The following DUOXA1 variants were observed in gnomAD, a reference collection of about 807,000 sequenced individuals.
DUOXA1 encodes dual oxidase maturation factor 1.
In DUOXA1, 19 loss-of-function variants were observed where a neutral mutation model predicts 26.6. That is an observed-to-expected ratio of 0.71 (90% CI 0.50 to 1.05). The LOEUF is 1.05. Among genes scored for constraint, DUOXA1 ranks in the 50% least tolerant of loss-of-function variants. The pLI is 0.00. For synonymous variants in DUOXA1, 166 were observed against 177.0 expected, an observed-to-expected ratio of 0.94 and a Z score of 0.49; for missense variants, 403 against 427.5, an observed-to-expected ratio of 0.94 and a Z score of 0.51.
intron 8 of DUOXA1, 93 bp downstream of exon 8, chr15:45,120,010 G>T: frequency 6.9e-7 from 1 of 1,453,226 alleles, no homozygotes; most frequent in Non-Finnish European, 9.6e-7. Context: ...TGGCCTCCAG[G>T]AACAGACCCT....
Position 45,123,027 on chromosome 15 carries a change from GTGCAGGGGGGGCAA to G in DUOXA1, c.-27_-14del, listed in dbSNP as rs761780672. 3 of 1,604,536 alleles carry G rather than the reference GTGCAGGGGGGGCAA, an allele frequency of 1.9e-6. No individual in the cohort carries two copies. In the South Asian group the frequency reaches 3.4e-5, roughly 18 times the overall value. ...CCAAAGTAGCCATCTTGGTGAGGTGGTGCAGGGGGGGCAATGCTGTACAACAACAATAGACATTT... is the reference window on the plus strand; with the variant it reads ...CCAAAGTAGCCATCTTGGTGAGGTGGTGCTGTACAACAACAATAGACATTT... On this transcript the variant is annotated splice_region_variant and 5_prime_UTR_variant, in exon 4 of 9. Coordinates refer to ENST00000560572, the MANE Select transcript of DUOXA1 (RefSeq NM_001276266.2).
intron 3 of DUOXA1, among the ~76,000 whole-genome samples, chr15:45,125,611 A>C (rs1447617457): frequency 6.6e-6 from 1 of 152,024 alleles, no homozygotes; most frequent in South Asian, 2.1e-4. Flanking sequence ...TTCACTTTTC[A>C]TGCTTCTTGA....
rs1894829727 is a variant in DUOXA1, at chr15:45,118,359, G to A, written c.*747C>T. On this transcript the variant is annotated 3_prime_UTR_variant, in exon 9 of 9. Transcript: ENST00000560572. ...GCAGGTCACCCACTCCCCCGTCCTG[G>A]ATGCCACTCAGCTAGCCCAGCTGAG... 5 of 1,151,256 alleles carry A rather than the reference G, an allele frequency of 4.3e-6. No individual in the cohort carries two copies. The South Asian group carries it at 1.7e-4, about 38-fold the overall frequency. The allele number at this position is 1,151,256 out of a possible 1,614,324, so 71.3% of individuals were successfully genotyped here. A position where few individuals can be genotyped will look rare whatever the true frequency, so the allele number is the denominator to read the frequency against.
In DUOXA1 at chr15:45,118,011, C is replaced by A; in HGVS notation, c.*1095G>T. 3.7e-6 allele frequency: 6 copies of A among 1,604,554 alleles called. No homozygotes were observed. Among genetic ancestry groups the A allele is most frequent in the Non-Finnish European group, 3.4e-6 (4 of 1,173,214 alleles). ...GGAGAGCTCCAGGAAGGGCACTGAGCGCTGCTGGCGCGAGGCCTCGGACAT... is the reference window on the plus strand; with the variant it reads ...GGAGAGCTCCAGGAAGGGCACTGAGAGCTGCTGGCGCGAGGCCTCGGACAT... On this transcript the variant is annotated 3_prime_UTR_variant, in exon 9 of 9. Coordinates refer to ENST00000560572, the MANE Select transcript of DUOXA1 (RefSeq NM_001276266.2).
rs1734758460 is a variant in DUOXA1 at position 45,119,142 on chromosome 15, C to CT, written c.995dup (p.Glu333GlyfsTer8). 6.2e-7 allele frequency: 1 copy of CT among 1,604,818 alleles called. No individual in the cohort carries two copies. The highest frequency in any genetic ancestry group is 2.2e-5 in the East Asian group (1 of 44,576). ...AATCAGGATCTTTGGGGTGTGCCTC[C>CT]TTACAGTATGCCTTGGTGGAGGAAG... On this transcript the variant is annotated frameshift_variant, in exon 9 of 9. Coordinates refer to ENST00000560572, the MANE Select transcript of DUOXA1 (RefSeq NM_001276266.2). LOFTEE classifies it low-confidence loss of function (END_TRUNC).
chr15:45,120,566 C>T (rs1566990337), intron 7 of DUOXA1, 26 bp downstream of exon 7: 1 of 1,611,744 alleles, frequency 6.2e-7, no homozygotes, highest in Non-Finnish European at 8.5e-7. Flanking sequence ...ACCAGGGCCT[C>T]CACCCCGTCT....
rs1399262061 is a variant in DUOXA1, at chr15:45,129,545, G to C, written c.-232C>G. The C allele has an allele frequency of 6.5e-6, 1 of 152,800 alleles. No individual in the cohort carries two copies. The highest frequency in any genetic ancestry group is 1.5e-5 in the Non-Finnish European group (1 of 68,210). The allele number at this position is 152,800 out of a possible 1,614,324, so 9.5% of individuals were successfully genotyped here. On this transcript the variant is annotated 5_prime_UTR_variant, in exon 2 of 9. Coordinates refer to ENST00000560572, the MANE Select transcript of DUOXA1 (RefSeq NM_001276266.2). This position sits in a 1 kb window ranked among gnomAD's most constrained non-coding sequence, Gnocchi z 4.1. ...CCAAGACCTCACGAGGATCCCCGGAGGGAGACGTGACTCCGGGGTCTTAGA... is the reference window on the plus strand; with the variant it reads ...CCAAGACCTCACGAGGATCCCCGGACGGAGACGTGACTCCGGGGTCTTAGA...
Position 45,117,803 on chromosome 15 carries a change from C to G in DUOXA1, c.*1303G>C, listed in dbSNP as rs1566984744. ...CTTCGCACCCTTCTGGACCAAAGCG[C>G]CAAGGACTGCAGCCAGGAGAGAGGG... is the stretch of plus-strand genomic sequence containing the variant. On this transcript the variant is annotated 3_prime_UTR_variant, in exon 9 of 9. Coordinates refer to ENST00000560572, the MANE Select transcript of DUOXA1 (RefSeq NM_001276266.2). 5.6e-6 allele frequency: 9 copies of G among 1,613,834 alleles called. No individual in the cohort carries two copies. Among genetic ancestry groups the G allele is most frequent in the African/African-American group, 1.3e-5 (1 of 74,950 alleles).
chr15:45,119,415 C>T (rs550254719), intron 8 of DUOXA1, 50 bp from the exon 9 acceptor site: 16 of 1,537,880 alleles, frequency 1.0e-5, no homozygotes, highest in African/African-American at 4.1e-5. Context: ...TAACACCTGC[C>T]GAGGATATCT....
chr15:45,119,141 C>G lies in DUOXA1; in HGVS notation c.997G>C (p.Glu333Gln), dbSNP rs745874216. 1 of 1,604,820 alleles carries G rather than the reference C, an allele frequency of 6.2e-7. No homozygotes were observed. The highest frequency in any genetic ancestry group is 1.7e-5 in the Admixed American group (1 of 59,834). The change falls in exon 9 of 9, where the codon GAG becomes CAG. Residue 333 changes from glutamate (E) to glutamine (Q), a missense_variant. Glu to Gln is a conservative substitution (Grantham distance 29, BLOSUM62 2). Transcript: ENST00000560572. ...EASSTKAYCK[E>Q]AHPKDPDCAL is the part of the protein sequence containing the mutation. ...CAATCAGGATCTTTGGGGTGTGCCTCCTTACAGTATGCCTTGGTGGAGGAA... is the reference window on the plus strand; with the variant it reads ...CAATCAGGATCTTTGGGGTGTGCCTGCTTACAGTATGCCTTGGTGGAGGAA...
At position 45,128,308 on chromosome 15, in the gene DUOXA1, T is replaced by G. The variant is rs559285329; in HGVS notation, c.-30+710A>C. ...GGCCTCTCTTGTAGCCTGACAGGAC[T>G]TTTTTCCTGAAGTCTTCCCCCTTGC... On this transcript the variant is annotated intron_variant, in intron 3 of 8. Transcript: ENST00000560572. 2.6e-5 allele frequency among the ~76,000 whole-genome samples: 4 copies of G among 152,334 alleles called. No homozygotes were observed. The South Asian group carries it at 8.3e-4, about 32-fold the overall frequency.
chr15:45,120,497 T>C, intron 7 of DUOXA1, 95 bp downstream of exon 7: 2 of 1,488,482 alleles, frequency 1.3e-6, no homozygotes, highest in Non-Finnish European at 1.9e-6. Context: ...CCACCCCACC[T>C]GAGATACCCA....
Position 45,118,022 on chromosome 15 carries a change from C to T in DUOXA1, c.*1084G>A, listed in dbSNP as rs1419801447. 6 of 1,602,038 alleles carry T rather than the reference C, an allele frequency of 3.7e-6. No homozygotes were observed. The highest frequency in any genetic ancestry group is 5.1e-6 in the Non-Finnish European group (6 of 1,171,508). On this transcript the variant is annotated 3_prime_UTR_variant, in exon 9 of 9. Transcript: ENST00000560572. Reference sequence around the variant, plus strand: ...GGAAGGGCACTGAGCGCTGCTGGCGCGAGGCCTCGGACATCCGCAGGCACC... The same window carrying T: ...GGAAGGGCACTGAGCGCTGCTGGCGTGAGGCCTCGGACATCCGCAGGCACC...
Position 45,120,786 on chromosome 15 carries a change from C to T in DUOXA1, c.360G>A (p.Leu120=), listed in dbSNP as rs758981039. Residue 120 remains leucine (L), a synonymous_variant, in exon 7 of 9, where the codon CTG becomes CTA. Transcript: ENST00000560572. ...CCTCGTTGTAATTGATGGTCTCATTCAGCTGCTGCACGGGGGTCCCTAGGG... is the reference window on the plus strand; with the variant it reads ...CCTCGTTGTAATTGATGGTCTCATTTAGCTGCTGCACGGGGGTCCCTAGGG... The part of the protein sequence containing the change: ...ITLTGTPVQQ[L]NETINYNEEF... 16 of 1,614,120 alleles carry T rather than the reference C, an allele frequency of 9.9e-6. 1 individual carries two copies. Among genetic ancestry groups the T allele is most frequent in the Non-Finnish European group, 1.1e-5 (13 of 1,180,010 alleles).
rs1894782370 is a variant in DUOXA1 at position 45,117,924 on chromosome 15, G to A, written c.*1182C>T. The A allele has an allele frequency of 4.3e-6, 7 of 1,613,122 alleles. No individual in the cohort carries two copies. Among genetic ancestry groups the A allele is most frequent in the Admixed American group, 1.7e-5 (1 of 60,008 alleles). ...CTAACCTGTGAGGGGGACCCAATCT[G>A]GACTCCTTCCCCGCCTTGGGACATC... On this transcript the variant is annotated 3_prime_UTR_variant, in exon 9 of 9. Coordinates refer to ENST00000560572, the MANE Select transcript of DUOXA1 (RefSeq NM_001276266.2).
rs955112701 is a variant in DUOXA1 at position 45,129,098 on chromosome 15, G to A, written c.-110C>T. The A allele has an allele frequency of 2.6e-5, 4 of 152,162 alleles. No individual in the cohort carries two copies. The highest frequency in any genetic ancestry group is 6.6e-5 in the Admixed American group (1 of 15,258). The allele number at this position is 152,162 out of a possible 1,614,324, so 9.4% of individuals were successfully genotyped here. On this transcript the variant is annotated 5_prime_UTR_variant, in exon 3 of 9. Coordinates refer to ENST00000560572, the MANE Select transcript of DUOXA1 (RefSeq NM_001276266.2). This position sits in a 1 kb window ranked among gnomAD's most constrained non-coding sequence, Gnocchi z 4.1. ...GTGGAACCTCACACGAAGCGCCCCC[G>A]GGGGTGTGATTAAAGAGGGAACCAG...
intron 3 of DUOXA1, among the ~76,000 whole-genome samples, chr15:45,124,499 G>T (rs1185123419): frequency 1.3e-5 from 2 of 151,910 alleles, no homozygotes; most frequent in Non-Finnish European, 2.9e-5. Context: ...AAGTTCTTAT[G>T]TTCCATTATT....
intron 4 of DUOXA1, 69 bp from the exon 5 acceptor site, chr15:45,122,311 A>G: frequency 6.7e-7 from 1 of 1,491,312 alleles, no homozygotes; most frequent in African/African-American, 1.4e-5. Context: ...CTGTTTCCAG[A>G]CTTGGGGGAG....
In DUOXA1 at chr15:45,122,144, G is replaced by T. The variant is rs1197598270; in HGVS notation, c.205+41C>A. 3.2e-6 allele frequency: 5 copies of T among 1,568,288 alleles called. No individual in the cohort carries two copies. In the African/African-American group the frequency reaches 4.0e-5, roughly 13 times the overall value. ...TGCAGGCTGCTGAGGGAGTTGAAGGGATGGAGGCAGCAGCCCAAGTCAGCT... is the reference window on the plus strand; with the variant it reads ...TGCAGGCTGCTGAGGGAGTTGAAGGTATGGAGGCAGCAGCCCAAGTCAGCT... On this transcript the variant is annotated intron_variant, in intron 5 of 8. Transcript: ENST00000560572.
Sources: allele counts gnomAD v4.1 joint callset (sites outside exome capture counted in the v4.1 genomes callset), GRCh38; gene constraint gnomAD v4.1.1; non-coding constraint Gnocchi (gnomAD v3.1); transcripts MANE v1.5; gene names NCBI Gene and HGNC (gene_info 2026-07-23, HGNC 2026-07-21).